The following ZFAT variants were observed in gnomAD, a reference collection of about 807,000 sequenced individuals.
ZFAT encodes zinc finger and AT-hook domain containing.
Under a neutral mutation model 117.7 loss-of-function variants are expected in ZFAT, and 64 were observed. The observed-to-expected ratio is 0.54, with a 90% CI of 0.44 to 0.67. ZFAT has a LOEUF of 0.67. Ranked by LOEUF, ZFAT falls within the 30% of genes least tolerant of loss-of-function variation. The probability of loss-of-function intolerance (pLI) is 0.00; values close to 1 mark genes in which losing one functional copy is unlikely to be tolerated. For missense variants in ZFAT, 1,433 were observed against 1,584.5 expected (o/e 0.90, Z 1.62); for synonymous variants, 679 against 615.0 (o/e 1.10, Z -1.54).
chr8:134,570,928 G>A (rs1824845952), intron 10 of ZFAT, among the ~76,000 whole-genome samples: 1 of 152,208 alleles, frequency 6.6e-6, no homozygotes, highest in Non-Finnish European at 1.5e-5. Flanking sequence ...TGCTGGGGGT[G>A]AGAGGAGAGC....
In ZFAT at chr8:134,601,944, A is replaced by T. The variant is rs1002004356; in HGVS notation, c.1775T>A (p.Val592Glu). 15 of 1,613,810 alleles carry T rather than the reference A, an allele frequency of 9.3e-6. No individual in the cohort carries two copies. The African/African-American group carries it at 1.7e-4, about 19-fold the overall frequency. Residue 592 changes from valine to glutamate, a missense_variant, in exon 6 of 16, where the codon GTG (valine) becomes GAG (glutamate). Transcript: ENST00000377838. ...TTTCAACAAAAAATCATCTGAAACC[A>T]CCTCTTGAGAATGCAGGTCTGAGGA... ...VSSSDLHSQE[V>E]VSDDFLLKND...
At chr8:134,662,246 C>T (rs1434738972) in intron 1 of ZFAT, among the ~76,000 whole-genome samples, 4 of 152,104 alleles carry the variant, frequency 2.6e-5, no homozygotes, top group Non-Finnish European at 5.9e-5. Flanking sequence ...ACGACCTGAC[C>T]ACCTCCCAAA....
At chr8:134,700,338 C>T (rs953189810) in intron 1 of ZFAT, among the ~76,000 whole-genome samples, 2 of 152,194 alleles carry the variant, frequency 1.3e-5, no homozygotes, top group Non-Finnish European at 2.9e-5. Flanking sequence ...CACAAACACC[C>T]AACTCAGCAA....
At chr8:134,498,253 G>T (rs1818655841) in intron 15 of ZFAT, among the ~76,000 whole-genome samples, 1 of 139,232 alleles carries the variant, frequency 7.2e-6, no homozygotes, top group Non-Finnish European at 1.6e-5. Context: ...AGCCTGATTT[G>T]GTAGGGTTGG....
At chr8:134,500,060 C>T (rs1818855974) in intron 15 of ZFAT, among the ~76,000 whole-genome samples, 1 of 152,204 alleles carries the variant, frequency 6.6e-6, no homozygotes, top group Non-Finnish European at 1.5e-5. Flanking sequence ...CAGCGCTCTC[C>T]TCCATATGCG....
intron 3 of ZFAT, among the ~76,000 whole-genome samples, chr8:134,623,341 G>T (rs1829267600): frequency 6.6e-6 from 1 of 152,188 alleles, no homozygotes; most frequent in Non-Finnish European, 1.5e-5. Context: ...GGCTGCCCTT[G>T]GTGGTTTATC....
In ZFAT at chr8:134,703,486, C is replaced by T. The variant is rs184283808; in HGVS notation, c.19+9359G>A. 3.8e-3 allele frequency among the ~76,000 whole-genome samples: 584 copies of T among 152,316 alleles called. 9 individuals are homozygous for T. The highest frequency in any genetic ancestry group is 0.013 in the African/African-American group (542 of 41,566). ...AACGGCTCATGCCTTGGCCATTGCA[C>T]GCAGCCCAGATAGGGCCTCACACAC... On this transcript the variant is annotated intron_variant, in intron 1 of 15. Transcript: ENST00000377838.
the ZFAT span, among the ~76,000 whole-genome samples, chr8:134,816,152 A>G: frequency 1.3e-5 from 2 of 152,338 alleles, no homozygotes; most frequent in Admixed American, 1.3e-4. Context: ...CTTCATGACA[A>G]TTCCACAGGA....
chr8:134,693,039 G>T (rs566575296), intron 1 of ZFAT, among the ~76,000 whole-genome samples: 12 of 152,298 alleles, frequency 7.9e-5, no homozygotes, highest in African/African-American at 2.6e-4. Context: ...AGATTGTGTA[G>T]GTGTGTCTTG....
At chr8:134,793,732 C>CGGGGG in the ZFAT span, 35,584 of 147,988 alleles carry the variant, frequency 0.24, 4,344 homozygotes, top group African/African-American at 0.31. Context: ...GTCAAGAGTC[C>CGGGGG]GGGGGCTGGA....
the ZFAT span, among the ~76,000 whole-genome samples, chr8:134,820,486 A>G: frequency 6.6e-6 from 1 of 152,224 alleles, no homozygotes; most frequent in Non-Finnish European, 1.5e-5. Flanking sequence ...TATGGTAACA[A>G]ATGTCCAAAA....
chr8:134,675,309 T>C (rs111290940), intron 1 of ZFAT, among the ~76,000 whole-genome samples: 2,399 of 152,140 alleles, frequency 0.016, 67 homozygotes, highest in African/African-American at 0.055. Flanking sequence ...ATGAAGCATA[T>C]ACAAGTATCA....
At chr8:134,828,513 G>A in the ZFAT span, among the ~76,000 whole-genome samples, 2 of 152,282 alleles carry the variant, frequency 1.3e-5, no homozygotes, top group African/African-American at 4.8e-5. Flanking sequence ...CTAGGAAAAG[G>A]TGAAGGCGTC....
chr8:134,553,360 G>A (rs1364747001), intron 11 of ZFAT, among the ~76,000 whole-genome samples: 3 of 152,102 alleles, frequency 2.0e-5, no homozygotes, highest in East Asian at 1.9e-4. Flanking sequence ...AAAATTAGCC[G>A]GGCGCGGTGG....
intron 1 of ZFAT, among the ~76,000 whole-genome samples, chr8:134,688,133 T>G (rs139439910): frequency 6.6e-6 from 1 of 151,990 alleles, no homozygotes; most frequent in East Asian, 1.9e-4. Flanking sequence ...TGTAGGGGAA[T>G]ACTGGGAAAA....
At chr8:134,718,950 G>A in the ZFAT span, among the ~76,000 whole-genome samples, 2 of 152,196 alleles carry the variant, frequency 1.3e-5, no homozygotes, top group African/African-American at 4.8e-5. Flanking sequence ...CACGTGCAGA[G>A]ACCCGGGGTG....
At chr8:134,587,810 A>AT (rs1826176660) in intron 9 of ZFAT, among the ~76,000 whole-genome samples, 1 of 152,146 alleles carries the variant, frequency 6.6e-6, no homozygotes, top group African/African-American at 2.4e-5. Flanking sequence ...CATAGCCTGA[A>AT]TGGTAACACT....
At chr8:134,610,438 T>C (rs1277300774) in intron 4 of ZFAT, 32 bp downstream of exon 4, 1 of 1,599,134 alleles carries the variant, frequency 6.3e-7, no homozygotes, top group Admixed American at 1.7e-5. Flanking sequence ...GCCAAGGGTC[T>C]TGCCTTTTCC....
At chr8:134,624,345 T>C (rs1829347837) in intron 3 of ZFAT, among the ~76,000 whole-genome samples, 1 of 152,208 alleles carries the variant, frequency 6.6e-6, no homozygotes, top group Admixed American at 6.5e-5. Flanking sequence ...CCACCTCTTC[T>C]AGAAGTGCTT....
Sources: allele counts gnomAD v4.1 joint callset (sites outside exome capture counted in the v4.1 genomes callset), GRCh38; gene constraint gnomAD v4.1.1; transcripts MANE v1.5; gene names NCBI Gene and HGNC (gene_info 2026-07-23, HGNC 2026-07-21).